The following KCTD8 variants were observed in gnomAD, a reference collection of about 807,000 sequenced individuals.
KCTD8 encodes potassium channel tetramerization domain containing 8, also known as BTB/POZ domain-containing protein KCTD8.
Under a neutral mutation model 31.5 loss-of-function variants are expected in KCTD8, and 27 were observed. The observed-to-expected ratio is 0.86, with a 90% confidence interval of 0.63 to 1.18. The LOEUF (loss-of-function observed/expected upper bound fraction) is 1.18. KCTD8 is among the 50% of genes most tolerant of loss of function. The pLI is 0.00. For missense variants in KCTD8, 658 were observed against 647.7 expected (o/e 1.02, Z -0.17); for synonymous variants, 290 against 280.0 (o/e 1.04, Z -0.36).
intron 1 of KCTD8, among the ~76,000 whole-genome samples, chr4:44,362,614 A>G (rs1040697367): frequency 1.3e-5 from 2 of 152,082 alleles, no homozygotes; most frequent in African/African-American, 2.4e-5. Flanking sequence ...AGTCCAGGTG[A>G]GTTGAAATAG....
intron 1 of KCTD8, among the ~76,000 whole-genome samples, chr4:44,279,800 C>A (rs1432984247): frequency 2.6e-5 from 4 of 151,944 alleles, no homozygotes; most frequent in Non-Finnish European, 5.9e-5. Context: ...TTGCTCACAC[C>A]ACAACATATA....
chr4:44,331,175 G>A (rs951824841), intron 1 of KCTD8, among the ~76,000 whole-genome samples: 7 of 151,788 alleles, frequency 4.6e-5, no homozygotes, highest in Non-Finnish European at 7.4e-5. Flanking sequence ...TTTTGAAGCT[G>A]TCTTTTCCTT....
chr4:44,201,839 AT>A (rs985234403), intron 1 of KCTD8, among the ~76,000 whole-genome samples: 7 of 152,134 alleles, frequency 4.6e-5, no homozygotes, highest in Non-Finnish European at 8.8e-5. Context: ...AAAAGTAACT[AT>A]TACTAGAGTA....
At chr4:44,274,134 A>G (rs1260429140) in intron 1 of KCTD8, among the ~76,000 whole-genome samples, 1 of 151,926 alleles carries the variant, frequency 6.6e-6, no homozygotes, top group Non-Finnish European at 1.5e-5. Context: ...AAAAGATTTT[A>G]TAATATTGGT....
chr4:44,265,058 C>T (rs1019172672), intron 1 of KCTD8, among the ~76,000 whole-genome samples: 3 of 152,178 alleles, frequency 2.0e-5, no homozygotes, highest in Non-Finnish European at 4.4e-5. Flanking sequence ...CAGCACGCAG[C>T]TGGAGATCTG....
intron 1 of KCTD8, among the ~76,000 whole-genome samples, chr4:44,261,262 C>T (rs774773811): frequency 4.6e-5 from 7 of 151,984 alleles, no homozygotes; most frequent in Non-Finnish European, 8.8e-5. Flanking sequence ...GCCTTGGATG[C>T]ATTAAGTGTT....
intron 1 of KCTD8, among the ~76,000 whole-genome samples, chr4:44,330,036 T>C (rs571830095): frequency 1.3e-5 from 2 of 151,888 alleles, no homozygotes; most frequent in East Asian, 1.9e-4. Flanking sequence ...ATGTTCTATA[T>C]AGAAAAGCCC....
chr4:44,244,094 T>C (rs918166801), intron 1 of KCTD8, among the ~76,000 whole-genome samples: 1 of 152,332 alleles, frequency 6.6e-6, no homozygotes, highest in East Asian at 1.9e-4. Context: ...CTACAGATCA[T>C]TCCAATTTGA....
At chr4:44,433,047 T>C (rs1188232166) in intron 1 of KCTD8, among the ~76,000 whole-genome samples, 1 of 151,692 alleles carries the variant, frequency 6.6e-6, no homozygotes, top group Non-Finnish European at 1.5e-5. Flanking sequence ...CTCTCCAAAT[T>C]CACTGATTAT....
chr4:44,358,821 G>A (rs559221976), intron 1 of KCTD8, among the ~76,000 whole-genome samples: 5 of 152,042 alleles, frequency 3.3e-5, no homozygotes, highest in Admixed American at 2.0e-4. Context: ...CACCCGCCTC[G>A]GCCTCCCAAT....
intron 1 of KCTD8, among the ~76,000 whole-genome samples, chr4:44,308,341 T>A (rs1717863049): frequency 6.6e-6 from 1 of 152,012 alleles, no homozygotes; most frequent in African/African-American, 2.4e-5. Flanking sequence ...TGAACTCTTT[T>A]TTTTTCCCTT....
chr4:44,385,046 AAAAACTAC>A (rs1196149289), intron 1 of KCTD8, among the ~76,000 whole-genome samples: 4 of 151,610 alleles, frequency 2.6e-5, no homozygotes, highest in African/African-American at 9.7e-5. Flanking sequence ...CTTATACATT[AAAAACTAC>A]AAAACTGAAG....
chr4:44,218,903 A>T (rs995633607), intron 1 of KCTD8, among the ~76,000 whole-genome samples: 1 of 152,126 alleles, frequency 6.6e-6, no homozygotes, highest in African/African-American at 2.4e-5. Context: ...GTAACAGTGG[A>T]ATTATGTTTT....
chr4:44,257,887 T>C (rs1044127693), intron 1 of KCTD8, among the ~76,000 whole-genome samples: 1 of 152,004 alleles, frequency 6.6e-6, no homozygotes, highest in South Asian at 2.1e-4. Context: ...TCCCATTTTA[T>C]TAATATAAGA....
chr4:44,188,900 C>G (rs1342404419), intron 1 of KCTD8, among the ~76,000 whole-genome samples: 1 of 152,156 alleles, frequency 6.6e-6, no homozygotes, highest in South Asian at 2.1e-4. Flanking sequence ...ACTTCAGACT[C>G]TGGAGTCTGT....
intron 1 of KCTD8, among the ~76,000 whole-genome samples, chr4:44,410,236 A>G (rs976393804): frequency 2.0e-5 from 3 of 152,194 alleles, no homozygotes; most frequent in Admixed American, 1.3e-4. Flanking sequence ...TGCCTTCAAA[A>G]TAAGTATGGC....
At chr4:44,324,032 T>G (rs1362605982) in intron 1 of KCTD8, among the ~76,000 whole-genome samples, 20 of 132,536 alleles carry the variant, frequency 1.5e-4, no homozygotes, top group African/African-American at 6.0e-4. Context: ...ACCCTAAAAC[T>G]TAAAGTATAA....
intron 1 of KCTD8, among the ~76,000 whole-genome samples, chr4:44,190,896 A>G (rs1713745622): frequency 6.6e-6 from 1 of 152,232 alleles, no homozygotes; most frequent in Non-Finnish European, 1.5e-5. Flanking sequence ...TTATAAATGT[A>G]GGTATTTTAT....
At chr4:44,396,475 C>A (rs946180245) in intron 1 of KCTD8, among the ~76,000 whole-genome samples, 14 of 150,736 alleles carry the variant, frequency 9.3e-5, no homozygotes, top group Admixed American at 9.3e-4. Flanking sequence ...TCTTTTAATT[C>A]TATCACATTA....
Sources: allele counts gnomAD v4.1 joint callset (sites outside exome capture counted in the v4.1 genomes callset), GRCh38; gene constraint gnomAD v4.1.1; transcripts MANE v1.5; gene names NCBI Gene and HGNC (gene_info 2026-07-23, HGNC 2026-07-21).